Variants in FCHO2 observed in about 807,000 individuals in gnomAD.
The protein encoded by FCHO2 is FCH and mu domain containing endocytic adaptor 2.
In FCHO2, 43 loss-of-function variants were observed where a neutral mutation model predicts 114.1. That is an observed-to-expected ratio of 0.38 (90% CI 0.30 to 0.49). The LOEUF is 0.49. Ranked by LOEUF, FCHO2 falls within the 20% of genes least tolerant of loss-of-function variation. The pLI is 0.97. For missense variants in FCHO2, 807 were observed against 950.4 expected, an observed-to-expected ratio of 0.85 and a Z score of 1.98; for synonymous variants, 293 against 315.2, an observed-to-expected ratio of 0.93 and a Z score of 0.75.
At chr5:72,996,968 G>T in intron 5 of FCHO2, 1 of 1,607,530 alleles carries the variant, frequency 6.2e-7, no homozygotes, top group South Asian at 1.1e-5. Flanking sequence ...CGTGGCCTTC[G>T]CCGCCAAGCT....
intron 12 of FCHO2, among the ~76,000 whole-genome samples, 153 bp downstream of exon 12, chr5:73,051,559 T>C (rs899121904): frequency 1.3e-5 from 2 of 151,938 alleles, no homozygotes; most frequent in Admixed American, 6.5e-5. Context: ...GTTGTTGTTG[T>C]TTTTTGTTTT....
At chr5:73,037,450 T>C (rs1445085285) in intron 10 of FCHO2, among the ~76,000 whole-genome samples, 1 of 152,128 alleles carries the variant, frequency 6.6e-6, no homozygotes, top group Non-Finnish European at 1.5e-5. Context: ...AAAGCTTTAA[T>C]GTCTAGAAAT....
In FCHO2 at chr5:73,078,311, A is replaced by G; in HGVS notation, c.1979A>G (p.Gln660Arg). ...TATAATGTAGATGTATTAAAGTATC[A>G]GGTGAGTGTCACGACATTGCAAAAA... ...SYYNVDVLKY[Q>R]VSSNGIQSTP... The change falls in exon 22 of 26, where the codon CAG (glutamine) becomes CGG (arginine). Residue 660 changes from glutamine (Q) to arginine (R), a missense_variant and splice_region_variant. Coordinates refer to ENST00000430046, the MANE Select transcript of FCHO2 (RefSeq NM_138782.3). The G allele has an allele frequency of 6.3e-7, 1 of 1,593,138 alleles. No individual in the cohort carries two copies. Among genetic ancestry groups the G allele is most frequent in the Non-Finnish European group, 8.5e-7 (1 of 1,172,572 alleles).
Position 72,963,902 on chromosome 5 carries a change from G to GTT in FCHO2, c.34-4570_34-4569dup, listed in dbSNP as rs70973214. ...TTCCCATTTTGTATGGGAACTTTCA[G>GTT]TTTTTTTTTTTTTTTTTTTTTTTTT... On this transcript the variant is annotated intron_variant, in intron 1 of 25. Transcript: ENST00000430046. Among the ~76,000 whole-genome samples, 211 of 95,708 alleles carry GTT rather than the reference G, an allele frequency of 2.2e-3. 6 individuals are homozygous for GTT. The highest frequency in any genetic ancestry group is 6.7e-3 in the African/African-American group (159 of 23,876). 62.8% of individuals were successfully genotyped at this position (95,708 alleles called of 152,430 possible).
At chr5:73,020,182 A>C (rs556970244) in intron 8 of FCHO2, among the ~76,000 whole-genome samples, 18 of 152,350 alleles carry the variant, frequency 1.2e-4, no homozygotes, top group Non-Finnish European at 1.5e-4. Context: ...AGCAGTGCCA[A>C]GTAGAACAGA....
intron 5 of FCHO2, among the ~76,000 whole-genome samples, chr5:72,992,275 T>C (rs1237505376): frequency 6.6e-6 from 1 of 152,212 alleles, no homozygotes; most frequent in African/African-American, 2.4e-5. Flanking sequence ...ATTGGATTTG[T>C]ATAATAAAAA....
chr5:73,057,586 T>C (rs563266338), intron 16 of FCHO2, among the ~76,000 whole-genome samples: 1 of 152,312 alleles, frequency 6.6e-6, no homozygotes, highest in South Asian at 2.1e-4. Context: ...AAGCCACCTT[T>C]CTGTACTTAA....
chr5:72,959,280 G>A (rs1393202206), intron 1 of FCHO2, among the ~76,000 whole-genome samples: 1 of 152,134 alleles, frequency 6.6e-6, no homozygotes, highest in East Asian at 1.9e-4. Context: ...GCTGAGGCAG[G>A]GGAATGGATT....
chr5:73,009,115 G>A lies in FCHO2; in HGVS notation c.600+2566G>A, dbSNP rs79209593. Among the ~76,000 whole-genome samples the A allele has an allele frequency of 8.0e-3, 1,217 of 152,298 alleles. 35 individuals carry two copies. The highest frequency in any genetic ancestry group is 0.074 in the East Asian group (381 of 5,180). ...AGAAAACTGGAAGTGTAATGTCATG[G>A]TAGCTGGAAAAAGAAGCTTCAAGAA... On this transcript the variant is annotated intron_variant, in intron 6 of 25. Coordinates refer to ENST00000430046, the MANE Select transcript of FCHO2 (RefSeq NM_138782.3).
intron 8 of FCHO2, 105 bp from the exon 9 acceptor site, chr5:73,034,552 T>G (rs1199307681): frequency 2.6e-6 from 2 of 776,580 alleles, no homozygotes; most frequent in South Asian, 1.9e-5. Flanking sequence ...AAAGATGCGT[T>G]GTCAATTAAA....
intron 6 of FCHO2, among the ~76,000 whole-genome samples, chr5:73,010,019 A>C (rs258892): frequency 0.25 from 37,316 of 152,128 alleles, 6,203 homozygotes; most frequent in African/African-American, 0.47. Context: ...AGAATAGGTT[A>C]ATTATTGTTT....
chr5:73,042,143 G>A (rs57844994), intron 11 of FCHO2, among the ~76,000 whole-genome samples: 21,755 of 151,844 alleles, frequency 0.14, 1,783 homozygotes, highest in East Asian at 0.35. Context: ...TTATATTTTG[G>A]CCTTAAAATA....
intron 2 of FCHO2, among the ~76,000 whole-genome samples, chr5:72,987,569 C>T (rs1032102318): frequency 2.6e-5 from 4 of 151,732 alleles, no homozygotes; most frequent in Non-Finnish European, 5.9e-5. Context: ...AACTCCTGAC[C>T]TCAGGTGATC....
At chr5:73,035,694 G>C (rs886458967) in intron 9 of FCHO2, among the ~76,000 whole-genome samples, 1 of 152,010 alleles carries the variant, frequency 6.6e-6, no homozygotes. Flanking sequence ...TTAGAGAAAG[G>C]GTTTCACCAT....
At chr5:72,993,299 A>T (rs1043420697) in intron 5 of FCHO2, among the ~76,000 whole-genome samples, 2 of 152,114 alleles carry the variant, frequency 1.3e-5, no homozygotes, top group African/African-American at 4.8e-5. Flanking sequence ...TTTAGACTTG[A>T]TATAGTCAAA....
chr5:72,968,395 T>G, intron 1 of FCHO2, 103 bp from the exon 2 acceptor site: 1 of 706,110 alleles, frequency 1.4e-6, no homozygotes. Context: ...TGAAAACACC[T>G]CACCTGAGCA....
chr5:73,082,720 A>G, intron 23 of FCHO2, 41 bp from the exon 24 acceptor site: 1 of 1,521,896 alleles, frequency 6.6e-7, no homozygotes, highest in South Asian at 1.2e-5. Flanking sequence ...ATCAGGTACT[A>G]TACTAGACAC....
intron 2 of FCHO2, among the ~76,000 whole-genome samples, chr5:72,978,232 A>G (rs556782959): frequency 7.0e-4 from 107 of 152,320 alleles, no homozygotes; most frequent in Non-Finnish European, 1.3e-3. Context: ...GATTCTTCCT[A>G]TGCATGAGCA....
intron 22 of FCHO2, among the ~76,000 whole-genome samples, chr5:73,080,790 G>T (rs1743067197): frequency 1.3e-5 from 2 of 152,260 alleles, no homozygotes; most frequent in Non-Finnish European, 1.5e-5. Context: ...ATTGCTGGGA[G>T]TAGGACAGGG....
Sources: gnomAD v4.1 joint callset for allele counts (sites outside exome capture counted in the v4.1 genomes callset) on GRCh38, gnomAD v4.1.1 for gene constraint, MANE v1.5 for transcripts, NCBI Gene and HGNC (gene_info 2026-07-23, HGNC 2026-07-21) for gene names.